Variants in TNFRSF10A observed in about 807,000 individuals in gnomAD.
The protein encoded by TNFRSF10A is tumor necrosis factor receptor superfamily member 10A.
A neutral mutation model predicts 42.8 loss-of-function variants in TNFRSF10A; 44 were observed. The ratio of observed to expected loss-of-function variants is 1.03; its 90% CI spans 0.81 to 1.32. The LOEUF (loss-of-function observed/expected upper bound fraction) is 1.32, where lower values mean the gene tolerates loss of function less well. Among genes scored for constraint, TNFRSF10A ranks in the 40% most tolerant of loss-of-function variants. The pLI, the probability that TNFRSF10A is intolerant of heterozygous loss-of-function variation, is 0.00. For missense variants in TNFRSF10A, 680 were observed against 602.0 expected, an observed-to-expected ratio of 1.13 and a Z score of -1.36; for synonymous variants, 259 against 234.2, an observed-to-expected ratio of 1.11 and a Z score of -0.97.
intron 2 of TNFRSF10A, among the ~76,000 whole-genome samples, chr8:23,209,276 T>C (rs998618277): frequency 1.3e-5 from 2 of 152,230 alleles, no homozygotes; most frequent in Non-Finnish European, 2.9e-5. Flanking sequence ...AGGGCCCTCA[T>C]GGAGAACCTC....
rs1252080048 is a variant in TNFRSF10A, at chr8:23,200,726, T to A, written c.664A>T (p.Thr222Ser). The A allele has an allele frequency of 7.0e-7, 1 of 1,423,146 alleles. No individual in the cohort carries two copies. The allele number at this position is 1,423,146 out of a possible 1,614,324, so 88.2% of individuals were successfully genotyped here. The change falls in exon 5 of 10, where the codon ACG becomes TCG. Residue 222 changes from threonine to serine, a missense_variant. Thr to Ser is a moderately conservative substitution (Grantham distance 58). Coordinates refer to ENST00000221132, the MANE Select transcript of TNFRSF10A (RefSeq NM_003844.4). ...PRGMVKVKDC[T>S]PWSDIECVHK... is the part of the protein sequence containing the mutation. ...ACACACTCGATGTCACTCCAGGGCGTACAATCCTTGACCTTGACCATCCCT... is the reference window on the plus strand; with the variant it reads ...ACACACTCGATGTCACTCCAGGGCGAACAATCCTTGACCTTGACCATCCCT...
chr8:23,209,576 G>C (rs562956872), intron 2 of TNFRSF10A, among the ~76,000 whole-genome samples: 1 of 152,326 alleles, frequency 6.6e-6, no homozygotes, highest in African/African-American at 2.4e-5. Flanking sequence ...GTAAGACAAG[G>C]AGTCAAACGA....
rs1377005325 is a variant in TNFRSF10A at position 23,200,572 on chromosome 8, CAA to C, written c.730_731del (p.Leu244GlyfsTer48). ...SGNGHNIWVILVVTLVVPLLL... is the reference protein window; with the variant it reads ...SGNGHNIWVIXVVTLVVPLLL... ...GCAACGGAACAACCAAAGTCACAAC[CAA>C]AATCACCCATATATTATGTCCATTG... On this transcript the variant is annotated frameshift_variant, in exon 6 of 10. Transcript: ENST00000221132. LOFTEE classifies it high-confidence loss of function. The C allele has an allele frequency of 1.2e-6, 2 of 1,614,098 alleles. No homozygotes were observed. Among genetic ancestry groups the C allele is most frequent in the African/African-American group, 1.3e-5 (1 of 74,932 alleles).
At position 23,202,760 on chromosome 8, in the gene TNFRSF10A, T is replaced by C. The variant is rs1800951473; in HGVS notation, c.405A>G (p.Gly135=). ...CTCCAGGATGTTCTGATCTATGAGA[T>C]CCTGGGAAGGGAGAGAAAAGCCAAT... ...HSPLGELCPP[G]SHRSEHPGAC... The change falls in exon 3 of 10, where the codon GGA becomes GGG. Residue 135 remains glycine (G), a splice_region_variant and synonymous_variant. Transcript: ENST00000221132. The C allele has an allele frequency of 6.2e-7, 1 of 1,607,490 alleles. No individual in the cohort carries two copies. The highest frequency in any genetic ancestry group is 1.3e-5 in the African/African-American group (1 of 74,840).
chr8:23,210,327 T>C (rs191147398), intron 2 of TNFRSF10A, among the ~76,000 whole-genome samples: 7 of 152,308 alleles, frequency 4.6e-5, no homozygotes, highest in Admixed American at 4.6e-4. Flanking sequence ...TAACGATTCT[T>C]ATGAATATTG....
intron 4 of TNFRSF10A, 74 bp downstream of exon 4, chr8:23,201,734 C>T (rs2128848025): frequency 7.5e-7 from 1 of 1,341,948 alleles, no homozygotes; most frequent in Non-Finnish European, 1.0e-6. Flanking sequence ...TACAAGGAGA[C>T]TCGGGTCTTT....
chr8:23,200,788 G>T, intron 4 of TNFRSF10A, 28 bp from the exon 5 acceptor site: 8 of 1,531,098 alleles, frequency 5.2e-6, no homozygotes, highest in South Asian at 1.1e-5. Flanking sequence ...GGGAGGGGGG[G>T]GACTCTTGAT....
At chr8:23,205,599 G>C (rs1287832280) in intron 2 of TNFRSF10A, among the ~76,000 whole-genome samples, 1 of 152,102 alleles carries the variant, frequency 6.6e-6, no homozygotes, top group African/African-American at 2.4e-5. Context: ...GGAGTTGACA[G>C]CTCCATGTGT....
intron 4 of TNFRSF10A, 116 bp from the exon 5 acceptor site, chr8:23,200,876 A>G (rs1039781474): frequency 3.1e-6 from 3 of 971,606 alleles, no homozygotes; most frequent in Non-Finnish European, 4.9e-6. Context: ...GGGGAAGGAT[A>G]GTCTCCTCGT....
chr8:23,199,482 C>T, intron 7 of TNFRSF10A, 34 bp from the exon 8 acceptor site: 4 of 1,598,398 alleles, frequency 2.5e-6, no homozygotes, highest in African/African-American at 1.3e-5. Context: ...CAGAAGCCCA[C>T]ACCCAGGGCT....
At chr8:23,202,485 A>G (rs1335161224) in intron 3 of TNFRSF10A, among the ~76,000 whole-genome samples, 163 bp downstream of exon 3, 2 of 152,076 alleles carry the variant, frequency 1.3e-5, no homozygotes, top group Non-Finnish European at 2.9e-5. Context: ...TATAAAAATG[A>G]TTTCTTTCTG....
chr8:23,206,551 A>G (rs1801011946), intron 2 of TNFRSF10A, among the ~76,000 whole-genome samples: 1 of 152,354 alleles, frequency 6.6e-6, no homozygotes, highest in Middle Eastern at 3.4e-3. Context: ...AGGCTATATC[A>G]CATAGCCTAG....
chr8:23,208,748 G>A (rs1270607624), intron 2 of TNFRSF10A, among the ~76,000 whole-genome samples: 7 of 152,130 alleles, frequency 4.6e-5, no homozygotes, highest in Non-Finnish European at 8.8e-5. Flanking sequence ...GAGCCACCGC[G>A]CCTGGCCGGC....
At chr8:23,222,874 C>T (rs916871253) in intron 1 of TNFRSF10A, among the ~76,000 whole-genome samples, 1 of 152,018 alleles carries the variant, frequency 6.6e-6, no homozygotes, top group Non-Finnish European at 1.5e-5. Context: ...GGATCTCATC[C>T]CCCTCCTCCT....
intron 9 of TNFRSF10A, among the ~76,000 whole-genome samples, chr8:23,193,584 G>A (rs1036957736): frequency 3.9e-5 from 6 of 152,080 alleles, no homozygotes; most frequent in Admixed American, 3.3e-4. Context: ...ATTGTGTGTT[G>A]TTTCAGGGCA....
chr8:23,216,620 T>C (rs1201794013), intron 1 of TNFRSF10A, among the ~76,000 whole-genome samples: 1 of 151,830 alleles, frequency 6.6e-6, no homozygotes, highest in African/African-American at 2.4e-5. Flanking sequence ...CAGGTGCCTA[T>C]AGTCCCAGCT....
At chr8:23,219,065 C>G (rs1452945220) in intron 1 of TNFRSF10A, among the ~76,000 whole-genome samples, 1 of 152,110 alleles carries the variant, frequency 6.6e-6, no homozygotes, top group Non-Finnish European at 1.5e-5. Flanking sequence ...GGGATGGCAT[C>G]CCTGGAGCCG....
At chr8:23,195,437 A>T (rs1044783181) in intron 9 of TNFRSF10A, among the ~76,000 whole-genome samples, 7 of 152,152 alleles carry the variant, frequency 4.6e-5, no homozygotes, top group Non-Finnish European at 7.3e-5. Flanking sequence ...TCTCTGCCTA[A>T]TTTCTCTAGA....
chr8:23,223,663 G>T (rs1355643858), intron 1 of TNFRSF10A, among the ~76,000 whole-genome samples: 2 of 152,202 alleles, frequency 1.3e-5, no homozygotes, highest in East Asian at 3.8e-4. Flanking sequence ...CCTGACACTT[G>T]TAAGACTGGT....
Sources: gnomAD v4.1 joint callset for allele counts (sites outside exome capture counted in the v4.1 genomes callset) on GRCh38, gnomAD v4.1.1 for gene constraint, MANE v1.5 for transcripts, NCBI Gene and HGNC (gene_info 2026-07-23, HGNC 2026-07-21) for gene names.